The following PDE4D variants were observed in gnomAD, a reference collection of about 807,000 sequenced individuals.
PDE4D encodes 3',5'-cyclic-AMP phosphodiesterase 4D.
In PDE4D, 24 loss-of-function variants were observed where a neutral mutation model predicts 87.4. The observed-to-expected ratio is 0.27, with a 90% CI of 0.20 to 0.39. PDE4D has a LOEUF of 0.39. PDE4D is among the 10% of genes least tolerant of loss of function. The pLI, the probability that PDE4D is intolerant of heterozygous loss-of-function variation, is 1.00. For missense variants in PDE4D, 714 were observed against 1,041.0 expected, an observed-to-expected ratio of 0.69 and a Z score of 4.32; for synonymous variants, 384 against 383.2, an observed-to-expected ratio of 1.00 and a Z score of -0.02.
At chr5:60,313,392 C>G (rs116489313) in intron 1 of PDE4D, among the ~76,000 whole-genome samples, 4,269 of 152,162 alleles carry the variant, frequency 0.028, 176 homozygotes, top group African/African-American at 0.098. Flanking sequence ...GGAAGAAATT[C>G]AAATCCTGAA....
At chr5:59,732,448 AG>A (rs1458329758) in intron 1 of PDE4D, among the ~76,000 whole-genome samples, 1 of 151,354 alleles carries the variant, frequency 6.6e-6, no homozygotes, top group African/African-American at 2.4e-5. Context: ...ACAGAGAGAA[AG>A]GAAGAGAAAA....
chr5:59,900,922 A>G (rs117723464), intron 3 of PDE4D, among the ~76,000 whole-genome samples: 1 of 152,316 alleles, frequency 6.6e-6, no homozygotes, highest in East Asian at 1.9e-4. Flanking sequence ...TGAGATGATG[A>G]AAAGTAATGT....
chr5:59,349,483 G>A (rs915110239), intron 1 of PDE4D, among the ~76,000 whole-genome samples: 5 of 152,096 alleles, frequency 3.3e-5, no homozygotes, highest in Admixed American at 2.6e-4. Flanking sequence ...CTCAGTCAAG[G>A]TACTGTCTCT....
chr5:59,194,090 G>T (rs568639398), intron 2 of PDE4D, among the ~76,000 whole-genome samples: 1 of 152,326 alleles, frequency 6.6e-6, no homozygotes, highest in African/African-American at 2.4e-5. Context: ...TAGTCACTGG[G>T]AAATGTTACT....
chr5:59,909,024 C>T (rs985270340), intron 3 of PDE4D, among the ~76,000 whole-genome samples: 1 of 152,138 alleles, frequency 6.6e-6, no homozygotes, highest in African/African-American at 2.4e-5. Context: ...AAGTGACTTG[C>T]AAATCCAGTT....
At chr5:59,829,748 T>C (rs1740899268) in intron 1 of PDE4D, among the ~76,000 whole-genome samples, 1 of 152,058 alleles carries the variant, frequency 6.6e-6, no homozygotes, top group African/African-American at 2.4e-5. Flanking sequence ...CCCTTATTGC[T>C]CAATTTTTTA....
chr5:59,080,095 G>A (rs1366694403), intron 5 of PDE4D, among the ~76,000 whole-genome samples: 1 of 152,192 alleles, frequency 6.6e-6, no homozygotes, highest in Non-Finnish European at 1.5e-5. Context: ...TCTGTGGTCA[G>A]TGAAAGTGAA....
intron 1 of PDE4D, among the ~76,000 whole-genome samples, chr5:59,243,795 A>G (rs1413310276): frequency 1.3e-5 from 2 of 152,174 alleles, no homozygotes; most frequent in South Asian, 4.1e-4. Flanking sequence ...TGTAAAAACT[A>G]TCTGGAAGTA....
At chr5:59,642,585 T>C (rs298031) in intron 1 of PDE4D, among the ~76,000 whole-genome samples, 114,578 of 152,026 alleles carry the variant, frequency 0.75, 43,746 homozygotes, top group East Asian at 1. Flanking sequence ...TCCTCATTTT[T>C]TCTTGCCGCC....
intron 1 of PDE4D, among the ~76,000 whole-genome samples, chr5:59,416,761 T>C (rs1164270797): frequency 6.6e-6 from 1 of 152,142 alleles, no homozygotes; most frequent in Non-Finnish European, 1.5e-5. Flanking sequence ...AAAATTCACA[T>C]CTACTTGCAA....
chr5:59,285,957 C>T (rs1581767227), intron 1 of PDE4D, among the ~76,000 whole-genome samples: 1 of 152,310 alleles, frequency 6.6e-6, no homozygotes, highest in East Asian at 1.9e-4. Flanking sequence ...CAACCCCTCA[C>T]TCTCGATTAC....
chr5:59,359,704 G>A (rs1300243991), intron 1 of PDE4D, among the ~76,000 whole-genome samples: 1 of 152,132 alleles, frequency 6.6e-6, no homozygotes, highest in Non-Finnish European at 1.5e-5. Flanking sequence ...GTATCAAAGA[G>A]TATAAAAGAA....
At chr5:59,280,522 CCT>C (rs1467791181) in intron 1 of PDE4D, among the ~76,000 whole-genome samples, 3 of 152,040 alleles carry the variant, frequency 2.0e-5, no homozygotes, top group African/African-American at 7.2e-5. Context: ...TTGCATTCTG[CCT>C]CTCCTCTTGT....
Position 59,786,031 on chromosome 5 carries a change from G to A in PDE4D, c.455+107137C>T, listed in dbSNP as rs73758888. ...GGGGGAACTGGCAGTGTTTCTTCTG[G>A]TAGGTGAACAGAAATGCAGACTCGT... On this transcript the variant is annotated intron_variant, in intron 1 of 14. Transcript: ENST00000340635. 5.4e-3 allele frequency among the ~76,000 whole-genome samples: 822 copies of A among 152,184 alleles called. 4 individuals carry two copies. The highest frequency in any genetic ancestry group is 0.019 in the African/African-American group (795 of 41,520).
At chr5:59,303,655 C>A (rs893490506) in intron 1 of PDE4D, among the ~76,000 whole-genome samples, 4 of 151,988 alleles carry the variant, frequency 2.6e-5, no homozygotes, top group African/African-American at 4.8e-5. Context: ...TATCCTTTTC[C>A]CCACTTTATG....
chr5:59,910,919 T>C (rs1040219440), intron 3 of PDE4D, among the ~76,000 whole-genome samples: 2 of 152,318 alleles, frequency 1.3e-5, no homozygotes, highest in African/African-American at 2.4e-5. Flanking sequence ...AGGATTATCA[T>C]AGGAGTAAAA....
chr5:59,900,287 C>CAT (rs56218565), intron 3 of PDE4D, among the ~76,000 whole-genome samples: 9,169 of 145,190 alleles, frequency 0.063, 925 homozygotes, highest in African/African-American at 0.2. Flanking sequence ...CACACACACA[C>CAT]ATATATATAT....
At chr5:60,474,105 C>CATATATATATATGTGTATATATATAT (rs1491252291) in intron 1 of PDE4D, among the ~76,000 whole-genome samples, 8 of 31,000 alleles carry the variant, frequency 2.6e-4, no homozygotes, top group East Asian at 2.2e-3. Flanking sequence ...TTTGAGCTGC[C>CATATATATATATGTGTATATATATAT]ATATATATAT....
intron 1 of PDE4D, among the ~76,000 whole-genome samples, chr5:60,325,277 G>T (rs144178197): frequency 1.2e-4 from 18 of 152,250 alleles, no homozygotes; most frequent in African/African-American, 4.1e-4. Context: ...ATTATAGGGG[G>T]AAAATAACCT....
Sources: gnomAD v4.1 joint callset for allele counts (sites outside exome capture counted in the v4.1 genomes callset) on GRCh38, gnomAD v4.1.1 for gene constraint, MANE v1.5 for transcripts, NCBI Gene and HGNC (gene_info 2026-07-23, HGNC 2026-07-21) for gene names.